PHF21A: variants seen among roughly 807,000 people sequenced by gnomAD.
The protein encoded by PHF21A is BHC80a.
Under a neutral mutation model 82.5 loss-of-function variants are expected in PHF21A, and 11 were observed. The ratio of observed to expected loss-of-function variants is 0.13; its 90% CI spans 0.08 to 0.22. The LOEUF (loss-of-function observed/expected upper bound fraction) is 0.22, where lower values mean the gene tolerates loss of function less well. Among genes scored for constraint, PHF21A ranks in the 10% least tolerant of loss-of-function variants. PHF21A has a pLI of 1.00. For missense variants in PHF21A, 579 were observed against 837.8 expected, an observed-to-expected ratio of 0.69 and a Z score of 3.81; for synonymous variants, 297 against 302.8, an observed-to-expected ratio of 0.98 and a Z score of 0.20.
chr11:46,048,535 C>T (rs1031222622), intron 6 of PHF21A, among the ~76,000 whole-genome samples: 2 of 151,832 alleles, frequency 1.3e-5, no homozygotes, highest in South Asian at 2.1e-4. Flanking sequence ...TTTGGGAGGC[C>T]GAGGCAGGCA....
chr11:45,965,201 G>T, intron 10 of PHF21A, 114 bp downstream of exon 10: 1 of 826,180 alleles, frequency 1.2e-6, no homozygotes, highest in Non-Finnish European at 1.9e-6. Flanking sequence ...ACAGCTTACT[G>T]ACAATGGTGG....
At chr11:46,057,025 C>A (rs556354849) in intron 6 of PHF21A, among the ~76,000 whole-genome samples, 2 of 151,666 alleles carry the variant, frequency 1.3e-5, no homozygotes. Context: ...TAGTAAGTGC[C>A]GAAAAAATTA....
intron 6 of PHF21A, among the ~76,000 whole-genome samples, chr11:46,074,487 A>T (rs539569929): frequency 6.6e-6 from 1 of 151,784 alleles, no homozygotes; most frequent in East Asian, 1.9e-4. Flanking sequence ...TAGCATTAGG[A>T]AACTGTTCTA....
chr11:46,118,094 G>A (rs1009712171), intron 1 of PHF21A: 1 of 152,114 alleles, frequency 6.6e-6, no homozygotes, highest in African/African-American at 2.4e-5. Flanking sequence ...GAGTATTTCA[G>A]AGGCAGCTCC....
intron 6 of PHF21A, among the ~76,000 whole-genome samples, chr11:45,990,840 C>A (rs554653983): frequency 3.9e-5 from 6 of 152,246 alleles, no homozygotes; most frequent in African/African-American, 1.2e-4. Context: ...CAACAAGCTA[C>A]ACATAGCAGA....
rs1033543117 is a variant in PHF21A at position 45,934,120 on chromosome 11, A to G, written c.1894T>C (p.Ser632Pro). The change falls in exon 19 of 19, where the codon TCC becomes CCC. Residue 632 changes from serine to proline, a missense_variant. Physicochemically the swap from Ser to Pro is moderately conservative, Grantham distance 74. This residue lies in a region of PHF21A where 157 missense variants were observed against 149.4 expected (regional missense o/e 1.05). Coordinates refer to ENST00000676320, the MANE Select transcript of PHF21A (RefSeq NM_001352027.3). The part of the protein sequence containing the change: ...LIRLIHGIDL[S>P]KPVDSEATVG... ...GTGGCCTCAGAGTCTACAGGTTTGG[A>G]GAGGTCGATGCCGTGGATGAGGCGA... 1.2e-6 allele frequency: 2 copies of G among 1,613,994 alleles called. No homozygotes were observed. The highest frequency in any genetic ancestry group is 2.7e-5 in the African/African-American group (2 of 74,910).
intron 6 of PHF21A, among the ~76,000 whole-genome samples, chr11:46,033,495 C>T (rs1182553547): frequency 6.6e-6 from 1 of 152,138 alleles, no homozygotes; most frequent in Non-Finnish European, 1.5e-5. Flanking sequence ...AACTCCTGGG[C>T]TCAAGCAATC....
At chr11:46,080,736 T>C (rs947108984) in intron 4 of PHF21A, among the ~76,000 whole-genome samples, 3 of 152,146 alleles carry the variant, frequency 2.0e-5, no homozygotes, top group Non-Finnish European at 4.4e-5. Flanking sequence ...GGCACAATCA[T>C]AGCTCACTGC....
chr11:46,084,408 G>T, intron 3 of PHF21A, 106 bp from the exon 4 acceptor site: 1 of 432,454 alleles, frequency 2.3e-6, no homozygotes, highest in Non-Finnish European at 4.0e-6. Flanking sequence ...CTAACGCAGG[G>T]CAAGAAATTT....
At chr11:45,967,022 C>T (rs958222834) in intron 9 of PHF21A, among the ~76,000 whole-genome samples, 3 of 152,122 alleles carry the variant, frequency 2.0e-5, no homozygotes, top group Admixed American at 6.5e-5. Flanking sequence ...CTCTGCTCTC[C>T]TGGAAATAAG....
chr11:46,009,220 C>T (rs548400386), intron 6 of PHF21A, among the ~76,000 whole-genome samples: 1 of 152,026 alleles, frequency 6.6e-6, no homozygotes, highest in African/African-American at 2.4e-5. Context: ...GTAATCTGCC[C>T]GCCTCGGTCT....
intron 6 of PHF21A, among the ~76,000 whole-genome samples, chr11:46,066,321 T>C (rs1592725544): frequency 6.6e-6 from 1 of 152,184 alleles, no homozygotes; most frequent in East Asian, 1.9e-4. Context: ...ATTTGAGCCA[T>C]ATGTACATAC....
At chr11:45,935,335 G>A (rs2088653229) in intron 18 of PHF21A, 9 of 1,014,506 alleles carry the variant, frequency 8.9e-6, no homozygotes, top group South Asian at 5.4e-5. Flanking sequence ...TCAGGAATAC[G>A]CAGGGCCATG....
At chr11:46,105,856 G>T (rs2097147039) in intron 1 of PHF21A, among the ~76,000 whole-genome samples, 1 of 152,146 alleles carries the variant, frequency 6.6e-6, no homozygotes, top group Admixed American at 6.5e-5. Context: ...TGAATATCTT[G>T]ATAGGTGTAT....
rs143141110 is a variant in PHF21A, at chr11:46,117,839, T to C, written c.-237+3096A>G. The C allele has an allele frequency of 2.7e-3, 411 of 152,332 alleles. 1 individual carries two copies. Among genetic ancestry groups the C allele is most frequent in the African/African-American group, 9.1e-3 (380 of 41,578 alleles). 9.4% of individuals were successfully genotyped at this position (152,332 alleles called of 1,614,324 possible). A position where few individuals can be genotyped will look rare whatever the true frequency, so the allele number is the denominator to read the frequency against. The stretch of plus-strand genomic sequence containing the variant: ...GCCAGAATCCTTATACTATCCGCAA[T>C]CGCACATCTACTTTGTACAGTCAAA... On this transcript the variant is annotated intron_variant, in intron 1 of 18. Transcript: ENST00000676320.
At chr11:45,945,643 CA>C (rs1258887135) in intron 15 of PHF21A, among the ~76,000 whole-genome samples, 196 bp downstream of exon 15, 3 of 152,168 alleles carry the variant, frequency 2.0e-5, no homozygotes, top group Non-Finnish European at 2.9e-5. Context: ...TTATATTTAA[CA>C]TGTTTCTCAA....
intron 3 of PHF21A, among the ~76,000 whole-genome samples, chr11:46,089,057 C>G (rs990956312): frequency 1.3e-5 from 2 of 151,938 alleles, no homozygotes; most frequent in South Asian, 2.1e-4. Flanking sequence ...GTGCCCCAAA[C>G]TGTCCCTAAA....
chr11:46,067,413 T>C (rs1455017381), intron 6 of PHF21A, among the ~76,000 whole-genome samples: 1 of 152,156 alleles, frequency 6.6e-6, no homozygotes, highest in Non-Finnish European at 1.5e-5. Flanking sequence ...TGTTTCTAGA[T>C]GTATCAAGTT....
intron 6 of PHF21A, among the ~76,000 whole-genome samples, chr11:46,031,310 C>T (rs1288991153): frequency 6.6e-6 from 1 of 152,166 alleles, no homozygotes; most frequent in African/African-American, 2.4e-5. Flanking sequence ...AACTATACTC[C>T]CACACCCCAT....
Sources: gnomAD v4.1 joint callset for allele counts (sites outside exome capture counted in the v4.1 genomes callset) on GRCh38, gnomAD v4.1.1 for gene constraint, gnomAD v4.1.1 regional missense constraint, MANE v1.5 for transcripts, NCBI Gene and HGNC (gene_info 2026-07-23, HGNC 2026-07-21) for gene names.